COL2A1: variants seen among roughly 807,000 people sequenced by gnomAD.
COL2A1 encodes collagen type II alpha 1 chain.
A neutral mutation model predicts 204.5 loss-of-function variants in COL2A1; 28 were observed. That is an observed-to-expected ratio of 0.14 (90% CI 0.10 to 0.19). The LOEUF is 0.19. Among genes scored for constraint, COL2A1 ranks in the 10% least tolerant of loss-of-function variants. COL2A1 has a pLI of 1.00. For synonymous variants in COL2A1, 708 were observed against 718.7 expected (o/e 0.99, Z 0.24); for missense variants, 1,388 against 2,027.5 (o/e 0.68, Z 6.06).
rs1939316867 is a variant in COL2A1, at chr12:47,985,052, A to G, written c.1776T>C (p.Pro592=). 3 of 1,613,970 alleles carry G rather than the reference A, an allele frequency of 1.9e-6. No homozygotes were observed. Among genetic ancestry groups the G allele is most frequent in the South Asian group, 1.1e-5 (1 of 91,064 alleles). The change falls in exon 27 of 54, where the codon CCT becomes CCC. Residue 592 remains proline (P), a synonymous_variant. Transcript: ENST00000380518. ...GEDGRPGPPG[P]QGARGQPGVM... ...CACCAGGCTGCCCACGAGCCCCCTG[A>G]GGACCTGGAGGTCCAGGACGACCAT... is the stretch of plus-strand genomic sequence containing the variant.
At position 47,998,398 on chromosome 12, in the gene COL2A1, A is replaced by G; in HGVS notation, c.309+17T>C. 1.3e-6 allele frequency: 2 copies of G among 1,593,264 alleles called. No homozygotes were observed. The highest frequency in any genetic ancestry group is 2.2e-5 in the East Asian group (1 of 44,790). On this transcript the variant is annotated intron_variant, in intron 3 of 53. Transcript: ENST00000380518. ...AGCCAAAAAAATATGAAAAAAGAAA[A>G]AGAAGAAAGCCCTTACCTTTGGTCC...
In COL2A1 at chr12:47,987,407, G is replaced by A; in HGVS notation, c.1222-94C>T. 1 of 1,362,326 alleles carries A rather than the reference G, an allele frequency of 7.3e-7. No homozygotes were observed. The highest frequency in any genetic ancestry group is 1.0e-6 in the Non-Finnish European group (1 of 960,566). 84.4% of individuals were successfully genotyped at this position (1,362,326 alleles called of 1,614,324 possible). ...CCAGATCCAGGGACCTGGCATAGGTGCTGTCCATTTCAGGGACATTCCCAC... is the reference window on the plus strand; with the variant it reads ...CCAGATCCAGGGACCTGGCATAGGTACTGTCCATTTCAGGGACATTCCCAC... On this transcript the variant is annotated intron_variant, in intron 19 of 53. Coordinates refer to ENST00000380518, the MANE Select transcript of COL2A1 (RefSeq NM_001844.5). The surrounding 1 kb of genome is among the most constrained non-coding windows in gnomAD (Gnocchi z 4.1).
intron 12 of COL2A1, 62 bp from the exon 13 acceptor site, chr12:47,994,109 G>A (rs952293193): frequency 1.9e-6 from 3 of 1,579,290 alleles, no homozygotes; most frequent in Non-Finnish European, 2.6e-6. Flanking sequence ...AGCTGCCCTG[G>A]GCTGCAGGAG....
chr12:47,990,932 C>G lies in COL2A1; in HGVS notation c.1024-1127G>C, dbSNP rs116082944. ...CCTTTTCCTGCTGAGTCCTGCCTGT[C>G]AGTCTCTGCCTCTCCTTAGAAGCTA... On this transcript the variant is annotated intron_variant, in intron 16 of 53. Transcript: ENST00000380518. Among the ~76,000 whole-genome samples, 365 of 152,308 alleles carry G rather than the reference C, an allele frequency of 2.4e-3. 1 individual carries two copies. Among genetic ancestry groups the G allele is most frequent in the African/African-American group, 8.2e-3 (340 of 41,566 alleles).
intron 41 of COL2A1, 33 bp downstream of exon 41, chr12:47,979,478 G>T (rs747618613): frequency 3.1e-6 from 5 of 1,611,958 alleles, no homozygotes; most frequent in Non-Finnish European, 4.2e-6. Flanking sequence ...TTCCATGCCT[G>T]CCTGTGCCTC....
Position 47,987,014 on chromosome 12 carries a change from G to C in COL2A1, c.1365+64C>G. On this transcript the variant is annotated intron_variant, in intron 21 of 53. Coordinates refer to ENST00000380518, the MANE Select transcript of COL2A1 (RefSeq NM_001844.5). The surrounding 1 kb of genome is among the most constrained non-coding windows in gnomAD (Gnocchi z 4.1). ...GGCCAGGGCAGGAGAGCATGGGAAA[G>C]AGGGGTGATGGGGTTTGACTCCAGA... is the stretch of plus-strand genomic sequence containing the variant. The C allele has an allele frequency of 6.3e-7, 1 of 1,583,268 alleles. No individual in the cohort carries two copies. Among genetic ancestry groups the C allele is most frequent in the South Asian group, 1.1e-5 (1 of 90,480 alleles).
intron 10 of COL2A1, 36 bp from the exon 11 acceptor site, chr12:47,995,344 T>C (rs371800369): frequency 1.0e-5 from 16 of 1,570,054 alleles, no homozygotes; most frequent in Admixed American, 1.7e-5. Flanking sequence ...GAGATGGTTA[T>C]AGTGGGAAGA....
intron 12 of COL2A1, 103 bp from the exon 13 acceptor site, chr12:47,994,150 T>G: frequency 7.7e-7 from 1 of 1,304,330 alleles, no homozygotes; most frequent in Non-Finnish European, 1.1e-6. Context: ...CACCAGGGCG[T>G]TGTCTCGAAT....
intron 40 of COL2A1, 61 bp from the exon 41 acceptor site, chr12:47,979,625 T>A: frequency 2.3e-6 from 1 of 431,834 alleles, no homozygotes; most frequent in Non-Finnish European, 4.4e-6. Flanking sequence ...GAGATTAAAA[T>A]GGGCGGGGGG....
In COL2A1 at chr12:47,980,121, T is replaced by C. The variant is rs191180351; in HGVS notation, c.2626-59A>G. The C allele has an allele frequency of 8.3e-5, 119 of 1,437,422 alleles. 1 individual carries two copies. In the East Asian group the frequency reaches 2.0e-3, roughly 24 times the overall value. 89.0% of individuals were successfully genotyped at this position (1,437,422 alleles called of 1,614,324 possible). Reference sequence around the variant, plus strand: ...TGGCCCAAGGAAGACGGTGGGCTTCTGTCTGAGCCCCAACAATGGACCCCT... The same window carrying C: ...TGGCCCAAGGAAGACGGTGGGCTTCCGTCTGAGCCCCAACAATGGACCCCT... On this transcript the variant is annotated intron_variant, in intron 39 of 53. Transcript: ENST00000380518. The surrounding 1 kb of genome is among the most constrained non-coding windows in gnomAD (Gnocchi z 4.5).
At chr12:47,979,916 G>A in intron 40 of COL2A1, 93 bp downstream of exon 40, 1 of 1,137,524 alleles carries the variant, frequency 8.8e-7, no homozygotes, top group Non-Finnish European at 1.2e-6. Context: ...TGGGAAAACA[G>A]TCGGGGGCAT....
Position 47,974,082 on chromosome 12 carries a change from C to A in COL2A1, c.4317+7G>T. The A allele has an allele frequency of 1.2e-6, 2 of 1,614,242 alleles. No homozygotes were observed. The highest frequency in any genetic ancestry group is 1.1e-5 in the South Asian group (1 of 91,076). On this transcript the variant is annotated splice_region_variant and intron_variant, in intron 53 of 53. Coordinates refer to ENST00000380518, the MANE Select transcript of COL2A1 (RefSeq NM_001844.5). Reference sequence around the variant, plus strand: ...AGGCAGCTCTTCTCTCTGGCAGCCCCACTCACCGTGCAGCCATCCTTCAGG... The same window carrying A: ...AGGCAGCTCTTCTCTCTGGCAGCCCAACTCACCGTGCAGCCATCCTTCAGG...
chr12:47,987,780 G>T lies in COL2A1; in HGVS notation c.1123-71C>A. The T allele has an allele frequency of 8.4e-7, 1 of 1,194,702 alleles. No individual in the cohort carries two copies. The allele number at this position is 1,194,702 out of a possible 1,614,324, so 74.0% of individuals were successfully genotyped here. A position where few individuals can be genotyped will look rare whatever the true frequency, so the allele number is the denominator to read the frequency against. ...ACAGACCTCTAGTGGGTGGGCAATA[G>T]CTCAGGGCCAGCTGCAAGCACAGCA... On this transcript the variant is annotated intron_variant, in intron 18 of 53. Coordinates refer to ENST00000380518, the MANE Select transcript of COL2A1 (RefSeq NM_001844.5). This position sits in a 1 kb window ranked among gnomAD's most constrained non-coding sequence, Gnocchi z 4.1.
chr12:47,999,961 C>T lies in COL2A1; in HGVS notation c.250G>A (p.Glu84Lys). 6.2e-7 allele frequency: 1 copy of T among 1,614,224 alleles called. No individual in the cohort carries two copies. ...TCAGTTGGGCAGATGGGGCAGCACT[C>T]TCCGAAGGGGATCTCAGGGCTGAGG... ...DCLSPEIPFGECCPICPTDLA... is the reference protein window; with the variant it reads ...DCLSPEIPFGKCCPICPTDLA... Residue 84 changes from glutamate to lysine, a missense_variant, in exon 2 of 54, where the codon GAG (glutamate) becomes AAG (lysine). Around this residue, in one of 3 missense-constraint regions of COL2A1, gnomAD observed 201 missense variants for 242.4 expected, o/e 0.83. Coordinates refer to ENST00000380518, the MANE Select transcript of COL2A1 (RefSeq NM_001844.5).
chr12:47,975,696 T>C, intron 50 of COL2A1, 91 bp from the exon 51 acceptor site: 1 of 1,423,362 alleles, frequency 7.0e-7, no homozygotes, highest in Non-Finnish European at 9.6e-7. Context: ...AGAGTGTCCC[T>C]CTTCCCAGCC....
intron 30 of COL2A1, 118 bp downstream of exon 30, chr12:47,983,565 G>T: frequency 1.4e-6 from 2 of 1,429,984 alleles, no homozygotes; most frequent in Admixed American, 1.9e-5. Context: ...TGCAGGGAAG[G>T]CTCGATGCCT....
chr12:47,977,684 A>G (rs1938800629), intron 44 of COL2A1, 31 bp from the exon 45 acceptor site: 2 of 1,612,078 alleles, frequency 1.2e-6, no homozygotes, highest in Non-Finnish European at 1.7e-6. Flanking sequence ...ATGCACTTAG[A>G]GCTGCTTCCT....
At chr12:47,983,301 A>C in intron 31 of COL2A1, 84 bp downstream of exon 31, 2 of 1,519,054 alleles carry the variant, frequency 1.3e-6, no homozygotes, top group Non-Finnish European at 1.8e-6. Context: ...AGGGCTCCTC[A>C]TGCCCTCTTG....
chr12:47,985,063 G>C lies in COL2A1; in HGVS notation c.1765C>G (p.Pro589Ala), dbSNP rs1385306918. 3 of 1,613,822 alleles carry C rather than the reference G, an allele frequency of 1.9e-6. No individual in the cohort carries two copies. Among genetic ancestry groups the C allele is most frequent in the Admixed American group, 1.7e-5 (1 of 59,998 alleles). ...GAPGEDGRPG[P>A]PGPQGARGQP... is the part of the protein sequence containing the mutation. ...CCACGAGCCCCCTGAGGACCTGGAG[G>C]TCCAGGACGACCATCTTCACCAGGG... The change falls in exon 27 of 54, where the codon CCT (proline) becomes GCT (alanine). Residue 589 changes from proline (P) to alanine (A), a missense_variant. This residue lies in a region of COL2A1 where 884 missense variants were observed against 1,415.8 expected (regional missense o/e 0.62). Transcript: ENST00000380518.
Sources: gnomAD v4.1 joint callset for allele counts (sites outside exome capture counted in the v4.1 genomes callset) on GRCh38, gnomAD v4.1.1 for gene constraint, gnomAD v4.1.1 regional missense constraint, Gnocchi (gnomAD v3.1) non-coding constraint, MANE v1.5 for transcripts, NCBI Gene and HGNC (gene_info 2026-07-23, HGNC 2026-07-21) for gene names.